The following VSX1 variants were observed in gnomAD, a reference collection of about 807,000 sequenced individuals.
The protein encoded by VSX1 is visual system homeobox 1, also known as homeodomain protein RINX.
Under a neutral mutation model 23.6 loss-of-function variants are expected in VSX1, and 23 were observed. The ratio of observed to expected loss-of-function variants is 0.97; its 90% CI spans 0.70 to 1.38. The LOEUF (loss-of-function observed/expected upper bound fraction) is 1.38. VSX1 is among the 40% of genes most tolerant of loss of function. VSX1 has a pLI of 0.00. For missense variants in VSX1, 517 were observed against 495.4 expected (o/e 1.04, Z -0.41); for synonymous variants, 247 against 215.1 (o/e 1.15, Z -1.30).
chr20:25,071,991 C>T (rs1487893124), downstream of VSX1: 8 of 625,200 alleles, frequency 1.3e-5, no homozygotes, highest in Admixed American at 2.9e-5. Context: ...GTCCAGTGAA[C>T]GGGAGCCTCC....
At chr20:25,079,960 C>T (rs979881078) in intron 1 of VSX1, among the ~76,000 whole-genome samples, 2 of 152,192 alleles carry the variant, frequency 1.3e-5, no homozygotes, top group African/African-American at 2.4e-5. Flanking sequence ...TTAACCTCTA[C>T]ACCAACATTT....
downstream of VSX1, among the ~76,000 whole-genome samples, chr20:25,073,683 G>A (rs1282340423): frequency 6.6e-6 from 1 of 152,212 alleles, no homozygotes; most frequent in Non-Finnish European, 1.5e-5. Flanking sequence ...TCTGCTAGCA[G>A]GTGGGGGTTT....
intron 2 of VSX1, 40 bp from the exon 3 acceptor site, chr20:25,078,992 C>T (rs973628104): frequency 6.2e-7 from 1 of 1,612,278 alleles, no homozygotes; most frequent in South Asian, 1.1e-5. Context: ...CACATGTCCC[C>T]TGGGGACAGC....
At chr20:25,078,587 G>C in intron 3 of VSX1, 1 of 1,362,262 alleles carries the variant, frequency 7.3e-7, no homozygotes. Flanking sequence ...ATAGTTTCTA[G>C]TTGCAGCACA....
At chr20:25,077,115 G>C (rs188989503) in intron 4 of VSX1, among the ~76,000 whole-genome samples, 4 of 152,346 alleles carry the variant, frequency 2.6e-5, no homozygotes, top group African/African-American at 4.8e-5. Context: ...ATCCCTGCCT[G>C]TTGGTTTCTG....
At chr20:25,074,210 C>G (rs1194276150), downstream of VSX1, among the ~76,000 whole-genome samples, 1 of 152,116 alleles carries the variant, frequency 6.6e-6, no homozygotes. Context: ...AATGAGTGTT[C>G]TGCTGTCATC....
rs2089654909 is a variant in VSX1 at position 25,081,866 on chromosome 20, G to A, written c.231C>T (p.Ala77=). Residue 77 remains alanine, a synonymous_variant, in exon 1 of 5, where the codon GCC becomes GCT. Transcript: ENST00000376709. ...GLDGSSLARG[A]LPLGLGLLCG... is the part of the protein sequence containing the mutation. ...AGAGGAGGCCGAGTCCCAGCGGTAG[G>A]GCCCCACGCGCCAGGCTGGAGCCGT... 3.9e-6 allele frequency: 6 copies of A among 1,523,808 alleles called. No individual in the cohort carries two copies. The highest frequency in any genetic ancestry group is 5.2e-6 in the Non-Finnish European group (6 of 1,142,860). 94.4% of individuals were successfully genotyped at this position (1,523,808 alleles called of 1,614,324 possible).
At chr20:25,079,755 C>T (rs900662620) in intron 1 of VSX1, among the ~76,000 whole-genome samples, 1 of 151,802 alleles carries the variant, frequency 6.6e-6, no homozygotes, top group Non-Finnish European at 1.5e-5. Context: ...TATTATCATC[C>T]TATTTTTACA....
downstream of VSX1, among the ~76,000 whole-genome samples, chr20:25,074,247 G>T (rs1250026081): frequency 6.6e-6 from 1 of 152,160 alleles, no homozygotes; most frequent in African/African-American, 2.4e-5. Flanking sequence ...AAAACCAAGA[G>T]ATCAGAAAGG....
At position 25,075,846 on chromosome 20, in the gene VSX1, T is replaced by C. The variant is rs922668035; in HGVS notation, c.*415A>G. 2 of 204,704 alleles carry C rather than the reference T, an allele frequency of 9.8e-6. No individual in the cohort carries two copies. Among genetic ancestry groups the C allele is most frequent in the Admixed American group, 1.1e-4 (2 of 18,766 alleles). The allele number at this position is 204,704 out of a possible 1,614,324, so 12.7% of individuals were successfully genotyped here. ...GTATGGAGTCTTCACTATGATGATA[T>C]CAGATTCTTCTGGATATTAAACAAT... is the stretch of plus-strand genomic sequence containing the variant. On this transcript the variant is annotated 3_prime_UTR_variant, in exon 5 of 5. Coordinates refer to ENST00000376709, the MANE Select transcript of VSX1 (RefSeq NM_014588.6).
chr20:25,079,499 G>C lies in VSX1; in HGVS notation c.440C>G (p.Ser147Cys), dbSNP rs200852410. The change falls in exon 2 of 5, where the codon TCT (serine) becomes TGT (cysteine). Residue 147 changes from serine (S) to cysteine (C), a missense_variant. Coordinates refer to ENST00000376709, the MANE Select transcript of VSX1 (RefSeq NM_014588.6). ...SVSTSDEDSQSEDRNDLKASP... is the reference protein window; with the variant it reads ...SVSTSDEDSQCEDRNDLKASP... ...TGCCTTTAGGTCATTCCTGTCTTCA[G>C]ACTGGCTGTCCTCATCTGATGGCAC... The C allele has an allele frequency of 2.3e-5, 37 of 1,612,242 alleles. No homozygotes were observed. The highest frequency in any genetic ancestry group is 3.0e-5 in the Non-Finnish European group (35 of 1,179,322).
At chr20:25,074,331 C>T (rs969819223), downstream of VSX1, among the ~76,000 whole-genome samples, 2 of 152,306 alleles carry the variant, frequency 1.3e-5, no homozygotes, top group Admixed American at 1.3e-4. Context: ...TATATATGTA[C>T]ATATAAACAC....
chr20:25,081,900 G>C lies in VSX1; in HGVS notation c.197C>G (p.Pro66Arg). 1 of 1,528,620 alleles carries C rather than the reference G, an allele frequency of 6.5e-7. No individual in the cohort carries two copies. The allele number at this position is 1,528,620 out of a possible 1,614,324, so 94.7% of individuals were successfully genotyped here. Reference protein sequence around the residue: ...EGPAVAPCPGPGLDGSSLARG... With the variant: ...EGPAVAPCPGRGLDGSSLARG... Reference sequence around the variant, plus strand: ...CGCCAGGCTGGAGCCGTCAAGCCCCGGGCCCGGGCACGGCGCGACTGCCGG... The same window carrying C: ...CGCCAGGCTGGAGCCGTCAAGCCCCCGGCCCGGGCACGGCGCGACTGCCGG... Residue 66 changes from proline (P) to arginine (R), a missense_variant, in exon 1 of 5, where the codon CCG (proline) becomes CGG (arginine). Transcript: ENST00000376709.
At chr20:25,073,394 TTC>T (rs1409526818), downstream of VSX1, among the ~76,000 whole-genome samples, 3 of 152,250 alleles carry the variant, frequency 2.0e-5, no homozygotes, top group Non-Finnish European at 4.4e-5. Context: ...GTTTCTTGTT[TTC>T]TCTCTTAATA....
At chr20:25,075,187 G>C (rs1413756771), downstream of VSX1, among the ~76,000 whole-genome samples, 1 of 152,198 alleles carries the variant, frequency 6.6e-6, no homozygotes, top group South Asian at 2.1e-4. Context: ...ACAATGAGCA[G>C]TTCCACACTT....
In VSX1 at chr20:25,077,811, C is replaced by A. The variant is rs773277935; in HGVS notation, c.682G>T (p.Gly228Cys). Residue 228 changes from glycine (G) to cysteine (C), a missense_variant, in exon 4 of 5, where the codon GGC becomes TGC. Transcript: ENST00000376709. Reference sequence around the variant, plus strand: ...CCGTACTCGGCCATCACGCTGCTGCCGCCCCAGCGCTTCTCCCGCTTGCGC... The same window carrying A: ...CCGTACTCGGCCATCACGCTGCTGCAGCCCCAGCGCTTCTCCCGCTTGCGC... ...KWRKREKRWG[G>C]SSVMAEYGLY... 5 of 1,551,350 alleles carry A rather than the reference C, an allele frequency of 3.2e-6. No individual in the cohort carries two copies. Among genetic ancestry groups the A allele is most frequent in the African/African-American group, 1.4e-5 (1 of 73,092 alleles).
downstream of VSX1, chr20:25,071,635 T>C: frequency 1.8e-6 from 1 of 566,086 alleles, no homozygotes; most frequent in Admixed American, 2.2e-5. Flanking sequence ...GGGGAGTTTC[T>C]GTAAGAGCAG....
Position 25,081,836 on chromosome 20 carries a change from GC to G in VSX1, c.260del (p.Gly87AlafsTer17). On this transcript the variant is annotated frameshift_variant, in exon 1 of 5. Transcript: ENST00000376709. LOFTEE classifies it high-confidence loss of function. Reference protein sequence around the residue: ...ALPLGLGLLCGFGTQPPAAAR... With the variant: ...ALPLGLGLLCXFGTQPPAAAR... ...CGGCCGCCGGCGGCTGCGTGCCGAA[GC>G]CACAGAGGAGGCCGAGTCCCAGCGG... 1 of 1,508,002 alleles carries G rather than the reference GC, an allele frequency of 6.6e-7. No homozygotes were observed. The highest frequency in any genetic ancestry group is 8.8e-7 in the Non-Finnish European group (1 of 1,136,948). 93.4% of individuals were successfully genotyped at this position (1,508,002 alleles called of 1,614,324 possible).
chr20:25,081,394 C>A (rs546831843), intron 1 of VSX1: 3 of 725,326 alleles, frequency 4.1e-6, no homozygotes, highest in Non-Finnish European at 5.1e-6. Context: ...GTTGAAGACC[C>A]CAGGGTCTCA....
Sources: allele counts gnomAD v4.1 joint callset (sites outside exome capture counted in the v4.1 genomes callset), GRCh38; gene constraint gnomAD v4.1.1; transcripts MANE v1.5; gene names NCBI Gene and HGNC (gene_info 2026-07-23, HGNC 2026-07-21).